The following SMIM35 variants were observed in gnomAD, a reference collection of about 807,000 sequenced individuals.
SMIM35 encodes TMPRSS4 antisense RNA 1 (non-protein coding).
intron 1 of SMIM35, among the ~76,000 whole-genome samples, chr11:118,075,206 T>C (rs1176844941): frequency 6.6e-6 from 1 of 152,212 alleles, no homozygotes; most frequent in Non-Finnish European, 1.5e-5. Flanking sequence ...GCCCTGACCC[T>C]GAGGTCACCT....
intron 1 of SMIM35, among the ~76,000 whole-genome samples, chr11:118,040,735 C>T (rs11216725): frequency 0.04 from 6,036 of 151,744 alleles, 206 homozygotes; most frequent in East Asian, 0.19. Flanking sequence ...AGCAATCATA[C>T]AAAATTATAT....
chr11:118,057,684 T>C (rs1383935290), intron 1 of SMIM35, among the ~76,000 whole-genome samples: 1 of 152,008 alleles, frequency 6.6e-6, no homozygotes, highest in Non-Finnish European at 1.5e-5. Flanking sequence ...AAGTGAGTGG[T>C]ATGTTGAGGG....
At chr11:118,010,332 G>A (rs932442965) in intron 4 of SMIM35, among the ~76,000 whole-genome samples, 1 of 152,186 alleles carries the variant, frequency 6.6e-6, no homozygotes, top group Non-Finnish European at 1.5e-5. Flanking sequence ...CATGGGACGA[G>A]ATCATTAAGA....
At chr11:118,022,032 C>CTTTTTTT (rs761119844) in intron 1 of SMIM35, among the ~76,000 whole-genome samples, 1 of 120,656 alleles carries the variant, frequency 8.3e-6, no homozygotes, top group African/African-American at 3.2e-5. Flanking sequence ...AACAATAAGT[C>CTTTTTTT]TTTTTTTTTT....
chr11:118,065,994 C>T (rs80318371), intron 1 of SMIM35, among the ~76,000 whole-genome samples: 2,465 of 152,178 alleles, frequency 0.016, 101 homozygotes, highest in East Asian at 0.11. Context: ...CTCATCATGA[C>T]CATGACCCAG....
intron 1 of SMIM35, among the ~76,000 whole-genome samples, chr11:118,047,861 G>C (rs180983513): frequency 1.8e-3 from 274 of 152,306 alleles, no homozygotes; most frequent in African/African-American, 6.3e-3. Context: ...ACTGGCTTGA[G>C]TGCCTAAGCT....
At chr11:118,048,976 C>T (rs994281591) in intron 1 of SMIM35, among the ~76,000 whole-genome samples, 11 of 76,308 alleles carry the variant, frequency 1.4e-4, no homozygotes, top group Middle Eastern at 7.7e-3. Context: ...CAAGTGAAAA[C>T]GATGATGATT....
intron 1 of SMIM35, among the ~76,000 whole-genome samples, chr11:118,083,940 A>C (rs1945344835): frequency 6.6e-6 from 1 of 152,106 alleles, no homozygotes; most frequent in African/African-American, 2.4e-5. Context: ...CTGGAGGCTG[A>C]GCCAGGAGAA....
At chr11:118,012,733 G>T (rs988279223) in intron 4 of SMIM35, among the ~76,000 whole-genome samples, 3 of 152,204 alleles carry the variant, frequency 2.0e-5, no homozygotes, top group African/African-American at 4.8e-5. Flanking sequence ...CAAGTACAGA[G>T]GGGGCAGGGC....
intron 1 of SMIM35, among the ~76,000 whole-genome samples, chr11:118,030,705 A>C (rs769946326): frequency 5.3e-5 from 8 of 151,962 alleles, no homozygotes; most frequent in Non-Finnish European, 1.2e-4. Flanking sequence ...AGGGCTGAGC[A>C]GGAAGAGGAA....
chr11:118,048,882 A>G (rs2135096540), intron 1 of SMIM35, among the ~76,000 whole-genome samples: 2 of 136,384 alleles, frequency 1.5e-5, no homozygotes, highest in African/African-American at 5.5e-5. Flanking sequence ...GGGAAGGGGA[A>G]AACCTGCCCT....
chr11:118,013,544 G>C (rs1418292005), intron 4 of SMIM35, among the ~76,000 whole-genome samples: 1 of 152,220 alleles, frequency 6.6e-6, no homozygotes, highest in Admixed American at 6.5e-5. Context: ...GGGTGGACAG[G>C]AGGAAACAGG....
chr11:118,065,913 G>C (rs1944467246), intron 1 of SMIM35, among the ~76,000 whole-genome samples: 2 of 152,152 alleles, frequency 1.3e-5, no homozygotes, highest in Admixed American at 1.3e-4. Flanking sequence ...TCTGATACCT[G>C]GGATGCAGCA....
chr11:118,057,462 G>T (rs985044430), intron 1 of SMIM35, among the ~76,000 whole-genome samples: 7 of 152,134 alleles, frequency 4.6e-5, no homozygotes, highest in African/African-American at 1.7e-4. Flanking sequence ...GGAAAGAACT[G>T]ACCGTGGGCA....
chr11:118,048,701 T>C (rs928605035), intron 1 of SMIM35, among the ~76,000 whole-genome samples: 5 of 150,896 alleles, frequency 3.3e-5, no homozygotes, highest in Admixed American at 2.6e-4. Flanking sequence ...GATGCAAAAG[T>C]CATAAAGTAT....
At chr11:118,054,163 TG>T (rs765537448) in intron 1 of SMIM35, among the ~76,000 whole-genome samples, 12,381 of 124,264 alleles carry the variant, frequency 0.1, 728 homozygotes, top group Non-Finnish European at 0.14. Flanking sequence ...GGGATTTTTT[TG>T]TTTTGTTTTT....
At chr11:118,052,221 CT>C (rs1032213582) in intron 1 of SMIM35, among the ~76,000 whole-genome samples, 1 of 152,216 alleles carries the variant, frequency 6.6e-6, no homozygotes, top group African/African-American at 2.4e-5. Context: ...CTCTGCCTCC[CT>C]TTCCCCAGAG....
rs550403511 is a variant in SMIM35, at chr11:118,005,446, G to T, written c.*964C>A. Reference sequence around the variant, plus strand: ...TGGTGGCTTCCAAATGTCCAAACAGGGTTTCTCTCCAGAACTCTATCCAGC... The same window carrying T: ...TGGTGGCTTCCAAATGTCCAAACAGTGTTTCTCTCCAGAACTCTATCCAGC... On this transcript the variant is annotated 3_prime_UTR_variant, in exon 5 of 5. Transcript: ENST00000689828. 2.6e-5 allele frequency: 4 copies of T among 152,290 alleles called. No homozygotes were observed. The highest frequency in any genetic ancestry group is 9.6e-5 in the African/African-American group (4 of 41,528). The allele number at this position is 152,290 out of a possible 1,614,324, so 9.4% of individuals were successfully genotyped here. A position where few individuals can be genotyped will look rare whatever the true frequency, so the allele number is the denominator to read the frequency against.
chr11:118,063,795 C>T (rs567964830), intron 1 of SMIM35, among the ~76,000 whole-genome samples: 1 of 152,318 alleles, frequency 6.6e-6, no homozygotes, highest in South Asian at 2.1e-4. Flanking sequence ...TGGAGGTTTC[C>T]AGAAGGGGAC....
Sources: gnomAD v4.1 joint callset for allele counts (sites outside exome capture counted in the v4.1 genomes callset) on GRCh38, gnomAD v4.1.1 for gene constraint, MANE v1.5 for transcripts, NCBI Gene and HGNC (gene_info 2026-07-23, HGNC 2026-07-21) for gene names.